Variants in UTS2B observed in about 807,000 individuals in gnomAD.
The protein encoded by UTS2B is urotensin 2B, also known as urotensin-2B.
A neutral mutation model predicts 19.2 loss-of-function variants in UTS2B; 21 were observed. That is an observed-to-expected ratio of 1.09 (90% confidence interval 0.78 to 1.58). The LOEUF is 1.58. UTS2B is among the 40% of genes most tolerant of loss of function. The pLI is 0.00. For synonymous variants in UTS2B, 57 were observed against 50.2 expected, an observed-to-expected ratio of 1.14 and a Z score of -0.58; for missense variants, 138 against 130.3, an observed-to-expected ratio of 1.06 and a Z score of -0.29.
chr3:191,304,704 G>GA (rs1717090922), intron 3 of UTS2B, among the ~76,000 whole-genome samples, 156 bp from the exon 4 acceptor site: 2 of 152,206 alleles, frequency 1.3e-5, no homozygotes, highest in East Asian at 3.9e-4. Flanking sequence ...ACATGTGCAG[G>GA]ATGTGCAGGT....
chr3:191,272,526 G>T (rs1716118249), intron 8 of UTS2B, among the ~76,000 whole-genome samples: 1 of 152,146 alleles, frequency 6.6e-6, no homozygotes, highest in Non-Finnish European at 1.5e-5. Context: ...TATGTATGGG[G>T]TGAATAATAA....
At chr3:191,300,702 T>C (rs112829922) in intron 4 of UTS2B, among the ~76,000 whole-genome samples, 2 of 152,216 alleles carry the variant, frequency 1.3e-5, no homozygotes, top group African/African-American at 4.8e-5. Flanking sequence ...TGGGAGGTGA[T>C]TGGATCATGG....
the UTS2B span, among the ~76,000 whole-genome samples, chr3:191,342,804 CT>C: frequency 6.6e-6 from 1 of 152,166 alleles, no homozygotes; most frequent in African/African-American, 2.4e-5. Flanking sequence ...TCTGGATATG[CT>C]TTGTGAAAAA....
At chr3:191,273,662 C>T (rs1716152888) in intron 8 of UTS2B, 1 of 450,160 alleles carries the variant, frequency 2.2e-6, no homozygotes, top group Non-Finnish European at 4.5e-6. Flanking sequence ...CAACTGTTAA[C>T]ACCTAATAGC....
chr3:191,286,384 TAAC>T (rs2108579465), intron 4 of UTS2B, among the ~76,000 whole-genome samples: 1 of 117,324 alleles, frequency 8.5e-6, no homozygotes, highest in African/African-American at 2.6e-5. Context: ...AGACCACAAT[TAAC>T]AAATTTAAGA....
At chr3:191,301,160 C>T (rs1439218597) in intron 4 of UTS2B, among the ~76,000 whole-genome samples, 6 of 152,160 alleles carry the variant, frequency 3.9e-5, no homozygotes, top group East Asian at 1.9e-4. Context: ...GCTGTCTTTC[C>T]GGGTGGTGAA....
intron 4 of UTS2B, among the ~76,000 whole-genome samples, chr3:191,296,309 CT>C (rs1234109175): frequency 6.6e-6 from 1 of 152,022 alleles, no homozygotes; most frequent in Non-Finnish European, 1.5e-5. Context: ...CATTTTAAGC[CT>C]CAATTAAAGT....
chr3:191,324,965 G>T (rs1485158152), intron 2 of UTS2B, among the ~76,000 whole-genome samples: 2 of 152,072 alleles, frequency 1.3e-5, no homozygotes, highest in African/African-American at 2.4e-5. Flanking sequence ...CATGAGAATC[G>T]CTTGAACCTG....
chr3:191,321,664 C>T (rs1362523754), intron 2 of UTS2B, among the ~76,000 whole-genome samples: 1 of 152,152 alleles, frequency 6.6e-6, no homozygotes, highest in African/African-American at 2.4e-5. Context: ...TTTATGACTT[C>T]TTTGTATCTA....
intron 4 of UTS2B, among the ~76,000 whole-genome samples, chr3:191,282,910 TCTTTAATA>T (rs1166461875): frequency 3.3e-5 from 5 of 152,216 alleles, no homozygotes; most frequent in African/African-American, 1.2e-4. Flanking sequence ...TCAGTTACTC[TCTTTAATA>T]CTTGCTTTAA....
At chr3:191,337,112 T>TA in the UTS2B span, among the ~76,000 whole-genome samples, 1 of 152,030 alleles carries the variant, frequency 6.6e-6, no homozygotes, top group African/African-American at 2.4e-5. Context: ...TGAGTAGTTG[T>TA]AGCAGAGACC....
upstream of UTS2B, among the ~76,000 whole-genome samples, chr3:191,335,222 T>A (rs1718102244): frequency 1.3e-5 from 2 of 152,182 alleles, no homozygotes; most frequent in African/African-American, 2.4e-5. Flanking sequence ...AAATGCTGCT[T>A]GAAATCCCAG....
At chr3:191,313,233 G>A (rs1163722214) in intron 3 of UTS2B, among the ~76,000 whole-genome samples, 1 of 152,098 alleles carries the variant, frequency 6.6e-6, no homozygotes, top group Non-Finnish European at 1.5e-5. Flanking sequence ...GACTACAAGT[G>A]ATCCACCCAC....
the UTS2B span, among the ~76,000 whole-genome samples, chr3:191,344,516 G>A: frequency 3.3e-5 from 5 of 152,302 alleles, no homozygotes; most frequent in South Asian, 6.2e-4. Flanking sequence ...AGGATAGAAC[G>A]ATGTTGGATC....
chr3:191,333,752 C>A (rs1718059839), upstream of UTS2B, among the ~76,000 whole-genome samples: 1 of 152,074 alleles, frequency 6.6e-6, no homozygotes, highest in Non-Finnish European at 1.5e-5. Flanking sequence ...TTGTCTCTGG[C>A]ATAATTATTT....
Position 191,293,232 on chromosome 3 carries a change from C to T in UTS2B, c.-124-10919G>A, listed in dbSNP as rs562744360. Among the ~76,000 whole-genome samples the T allele has an allele frequency of 4.6e-5, 7 of 152,030 alleles. No homozygotes were observed. The South Asian group carries it at 1.5e-3, about 32-fold the overall frequency. On this transcript the variant is annotated intron_variant, in intron 4 of 8. Transcript: ENST00000340524. ...GTTTTATTTTATATATGTCATTGTC[C>T]AGTTTTGATATCAGGGCAATACTGG...
the UTS2B span, among the ~76,000 whole-genome samples, chr3:191,336,878 AT>A: frequency 6.6e-6 from 1 of 152,218 alleles, no homozygotes. Flanking sequence ...AGTAATTCAA[AT>A]TTGTTGCAGG....
At chr3:191,331,930 A>T (rs149062613), upstream of UTS2B, among the ~76,000 whole-genome samples, 248 of 152,338 alleles carry the variant, frequency 1.6e-3, 1 homozygote, top group African/African-American at 5.6e-3. Flanking sequence ...TAATATTCTG[A>T]TGCAGATTTT....
chr3:191,329,326 C>G, intron 1 of UTS2B: 2 of 263,956 alleles, frequency 7.6e-6, no homozygotes. Flanking sequence ...CCTGCAGCTC[C>G]CCCTCCCCCA....
Sources: allele counts gnomAD v4.1 joint callset (sites outside exome capture counted in the v4.1 genomes callset), GRCh38; gene constraint gnomAD v4.1.1; transcripts MANE v1.5; gene names NCBI Gene and HGNC (gene_info 2026-07-23, HGNC 2026-07-21).